RPL8: variants seen among roughly 807,000 people sequenced by gnomAD.
The protein encoded by RPL8 is large ribosomal subunit protein uL2.
For synonymous variants in RPL8, 182 were observed against 143.2 expected (o/e 1.27, Z -1.94); for missense variants, 248 against 365.9 (o/e 0.68, Z 2.63).
intron 3 of RPL8, 106 bp from the exon 4 acceptor site, chr8:144,790,576 G>A (rs117189340): frequency 0.014 from 12,317 of 882,630 alleles, 130 homozygotes; most frequent in Non-Finnish European, 0.019. Context: ...CAACTACCCA[G>A]CAAAAAGCCC....
rs11539895 is a variant in RPL8 at position 144,792,039 on chromosome 8, C to G, written c.91G>C (p.Ala31Pro). 5.9e-4 allele frequency: 955 copies of G among 1,608,912 alleles called. 3 individuals are homozygous for G. Among genetic ancestry groups the G allele is most frequent in the Non-Finnish European group, 7.1e-4 (841 of 1,178,364 alleles). Residue 31 changes from alanine to proline, a missense_variant, in exon 1 of 5, where the codon GCC becomes CCC. By Grantham distance (27) the Ala-to-Pro change is conservative (BLOSUM62 -1). Coordinates refer to ENST00000528957, the MANE Select transcript of RPL8 (RefSeq NM_001317782.2). Reference protein sequence around the residue: ...KHRKGAARLRAVDFAERHGYI... With the variant: ...KHRKGAARLRPVDFAERHGYI... ...CCGTGCCGCTCAGCGAAATCCACGG[C>G]GCGCAGGCGCGCAGCGCCTTTACGG...
At position 144,791,501 on chromosome 8, in the gene RPL8, AG is replaced by A; in HGVS notation, c.281-7del. On this transcript the variant is annotated splice_region_variant and splice_polypyrimidine_tract_variant and intron_variant, in intron 2 of 4. Coordinates refer to ENST00000528957, the MANE Select transcript of RPL8 (RefSeq NM_001317782.2). ...ATTGCCAATGTTGAGCTGGGCTGCA[AG>A]GGGAAGCAGCATCAGGCCGTCAGCA... The A allele has an allele frequency of 6.2e-7, 1 of 1,612,940 alleles. No homozygotes were observed. The highest frequency in any genetic ancestry group is 8.5e-7 in the Non-Finnish European group (1 of 1,179,708).
intron 3 of RPL8, chr8:144,790,712 G>A (rs749977029): frequency 8.7e-5 from 59 of 677,656 alleles, no homozygotes; most frequent in Non-Finnish European, 1.4e-4. Flanking sequence ...AGCTCCAAGC[G>A]CAGGGAAGCA....
rs746973041 is a variant in RPL8 at position 144,791,869 on chromosome 8, C to T, written c.184G>A (p.Val62Ile). 2 of 1,613,648 alleles carry T rather than the reference C, an allele frequency of 1.2e-6. No homozygotes were observed. Among genetic ancestry groups the T allele is most frequent in the East Asian group, 4.5e-5 (2 of 44,888 alleles). ...TTAAACCGATACGGATCCCGGAAGA[C>T]CACCTTGGCGAGGGGCGCGCCGCGG... Reference protein sequence around the residue: ...PGRGAPLAKVVFRDPYRFKKR... With the variant: ...PGRGAPLAKVIFRDPYRFKKR... The change falls in exon 2 of 5, where the codon GTC (valine) becomes ATC (isoleucine). Residue 62 changes from valine (V) to isoleucine (I), a missense_variant. Val to Ile is a conservative substitution (Grantham distance 29). Transcript: ENST00000528957.
intron 4 of RPL8, 48 bp from the exon 5 acceptor site, chr8:144,790,010 C>CT (rs1826440365): frequency 1.3e-6 from 2 of 1,556,506 alleles, no homozygotes; most frequent in African/African-American, 2.7e-5. Context: ...CCACCACCCC[C>CT]GCCCCCGGCC....
rs367766125 is a variant in RPL8 at position 144,791,912 on chromosome 8, G to A, written c.141C>T (p.Asp47=). ...CGCCGCGGCCCGGGTCGTGGATGAT[G>A]TCCTGTGGGCAGAGGCGGCGTGAGT... ...RHGYIKGIVK[D]IIHDPGRGAP... is the part of the protein sequence containing the mutation. Residue 47 remains aspartate, a splice_region_variant and synonymous_variant, in exon 2 of 5, where the codon GAC becomes GAT. Transcript: ENST00000528957. 33 of 1,613,028 alleles carry A rather than the reference G, an allele frequency of 2.0e-5. No individual in the cohort carries two copies. Among genetic ancestry groups the A allele is most frequent in the Non-Finnish European group, 9.3e-6 (11 of 1,179,908 alleles).
At chr8:144,791,174 G>T in intron 3 of RPL8, 103 bp downstream of exon 3, 1 of 1,151,674 alleles carries the variant, frequency 8.7e-7, no homozygotes, top group Non-Finnish European at 1.3e-6. Context: ...TAGAACAACA[G>T]GTAATCGAAT....
Position 144,791,386 on chromosome 8 carries a change from T to C in RPL8, c.390A>G (p.Ser130=). 2 of 1,613,928 alleles carry C rather than the reference T, an allele frequency of 1.2e-6. No individual in the cohort carries two copies. The highest frequency in any genetic ancestry group is 1.1e-5 in the South Asian group (1 of 91,090). The change falls in exon 3 of 5, where the codon TCA becomes TCG. Residue 130 remains serine, a synonymous_variant. Transcript: ENST00000528957. The part of the protein sequence containing the change: ...PGDRGKLARA[S]GNYATVISHN... ...GGGAGATAACGGTGGCATAGTTCCC[T>C]GATGCCCGGGCCAGCTTGCCACGGT... is the stretch of plus-strand genomic sequence containing the variant.
Position 144,790,379 on chromosome 8 carries a change from T to G in RPL8, c.591A>C (p.Pro197=). 1 of 1,614,194 alleles carries G rather than the reference T, an allele frequency of 6.2e-7. No individual in the cohort carries two copies. The highest frequency in any genetic ancestry group is 8.5e-7 in the Non-Finnish European group (1 of 1,180,020). ...CATTCATGGCCACACCCCGTACTCG[T>G]GGCCAGCAGTTCCTCTTTGCCTTAT... is the stretch of plus-strand genomic sequence containing the variant. ...HKYKAKRNCW[P]RVRGVAMNPV... The change falls in exon 4 of 5, where the codon CCA becomes CCC. Residue 197 remains proline (P), a synonymous_variant. Transcript: ENST00000528957.
intron 3 of RPL8, 151 bp downstream of exon 3, chr8:144,791,126 G>A (rs1303167875): frequency 1.0e-5 from 7 of 688,936 alleles, no homozygotes; most frequent in African/African-American, 5.4e-5. Context: ...TGACAACTGA[G>A]ACTACAGGAT....
At position 144,790,546 on chromosome 8, in the gene RPL8, C is replaced by G. The variant is rs559556699; in HGVS notation, c.500-76G>C. On this transcript the variant is annotated intron_variant, in intron 3 of 4. Transcript: ENST00000528957. ...CACCTCCCCTCAATCTCCTGTCATG[C>G]ACCTTCCCAATACTGCATCCAACTA... The G allele has an allele frequency of 2.1e-4, 231 of 1,124,546 alleles. 1 individual carries two copies. In the African/African-American group the frequency reaches 3.0e-3, roughly 15 times the overall value. 69.7% of individuals were successfully genotyped at this position (1,124,546 alleles called of 1,614,324 possible).
intron 2 of RPL8, 44 bp from the exon 3 acceptor site, chr8:144,791,539 A>G (rs1487297569): frequency 6.3e-7 from 1 of 1,592,718 alleles, no homozygotes; most frequent in Non-Finnish European, 8.6e-7. Flanking sequence ...AGTAAGAAAC[A>G]ATGCGAACCC....
Position 144,789,974 on chromosome 8 carries a change from G to T in RPL8, c.616-12C>A. The T allele has an allele frequency of 6.2e-7, 1 of 1,600,306 alleles. No individual in the cohort carries two copies. The highest frequency in any genetic ancestry group is 8.5e-7 in the Non-Finnish European group (1 of 1,173,250). On this transcript the variant is annotated splice_polypyrimidine_tract_variant and intron_variant, in intron 4 of 4. Transcript: ENST00000528957. ...GGATGCTCCACAGGCTGCAGGCAGA[G>T]AAAGATGGCTTTAGAAACCTCTTCC...
chr8:144,789,881 G>A lies in RPL8; in HGVS notation c.697C>T (p.Arg233Cys). The A allele has an allele frequency of 6.2e-7, 1 of 1,613,368 alleles. No individual in the cohort carries two copies. Among genetic ancestry groups the A allele is most frequent in the Non-Finnish European group, 8.5e-7 (1 of 1,179,864 alleles). The part of the protein sequence containing the change: ...STIRRDAPAG[R>C]KVGLIAARRT... ...CGGGCAGCAATGAGACCCACTTTGC[G>A]GCCAGCAGGGGCATCTCTGCGGATG... The change falls in exon 5 of 5, where the codon CGC becomes TGC. Residue 233 changes from arginine to cysteine, a missense_variant. Physicochemically the swap from Arg to Cys is radical, Grantham distance 180. Coordinates refer to ENST00000528957, the MANE Select transcript of RPL8 (RefSeq NM_001317782.2).
rs1826568114 is a variant in RPL8, at chr8:144,792,344, C to G, written c.-215G>C. 1 of 736,276 alleles carries G rather than the reference C, an allele frequency of 1.4e-6. No individual in the cohort carries two copies. The highest frequency in any genetic ancestry group is 3.4e-5 in the East Asian group (1 of 29,106). The allele number at this position is 736,276 out of a possible 1,614,324, so 45.6% of individuals were successfully genotyped here. On this transcript the variant is annotated 5_prime_UTR_variant, in exon 1 of 5. Transcript: ENST00000528957. Reference sequence around the variant, plus strand: ...ATGGCGGCGGATACTGCCCATGCCGCAAGGCCGCAAGGATGACCTACCTGT... The same window carrying G: ...ATGGCGGCGGATACTGCCCATGCCGGAAGGCCGCAAGGATGACCTACCTGT...
Position 144,790,446 on chromosome 8 carries a change from A to G in RPL8, c.524T>C (p.Ile175Thr), listed in dbSNP as rs371217783. ...GCCAGCCTTCAAGATGGGTTTGTCA[A>G]TTCGGCCACCTCCAGCCACCACACC... ...VVGVVAGGGRIDKPILKAGRA... is the reference protein window; with the variant it reads ...VVGVVAGGGRTDKPILKAGRA... The change falls in exon 4 of 5, where the codon ATT becomes ACT. Residue 175 changes from isoleucine to threonine, a missense_variant. Coordinates refer to ENST00000528957, the MANE Select transcript of RPL8 (RefSeq NM_001317782.2). The G allele has an allele frequency of 5.6e-6, 9 of 1,613,716 alleles. No individual in the cohort carries two copies. Among genetic ancestry groups the G allele is most frequent in the African/African-American group, 1.3e-5 (1 of 74,626 alleles).
In RPL8 at chr8:144,791,792, A is replaced by C; in HGVS notation, c.261T>G (p.Phe87Leu). ...GCTAACCCTTCTTGCCGCAATACAC[A>C]AACTGGCCCGTGTGAATGCCCTCGG... ...IAAEGIHTGQ[F>L]VYCGKKAQLN... The change falls in exon 2 of 5, where the codon TTT becomes TTG. Residue 87 changes from phenylalanine to leucine, a missense_variant. Transcript: ENST00000528957. 6.2e-7 allele frequency: 1 copy of C among 1,613,606 alleles called. No individual in the cohort carries two copies. Among genetic ancestry groups the C allele is most frequent in the Non-Finnish European group, 8.5e-7 (1 of 1,179,922 alleles).
chr8:144,790,002 A>T, intron 4 of RPL8, 40 bp from the exon 5 acceptor site: 4 of 1,562,762 alleles, frequency 2.6e-6, no homozygotes, highest in Non-Finnish European at 3.5e-6. Context: ...CCTCTTCCCC[A>T]CCACCCCCGC....
intron 2 of RPL8, 54 bp from the exon 3 acceptor site, chr8:144,791,549 C>T: frequency 6.3e-7 from 1 of 1,576,540 alleles, no homozygotes; most frequent in Admixed American, 1.8e-5. Flanking sequence ...AATGCGAACC[C>T]CCTCGCTCTA....
Sources: gnomAD v4.1 joint callset for allele counts on GRCh38, gnomAD v4.1.1 for gene constraint, MANE v1.5 for transcripts, NCBI Gene and HGNC (gene_info 2026-07-23, HGNC 2026-07-21) for gene names.